Variants in IFNG-AS1 observed in about 807,000 individuals in gnomAD.
IFNG-AS1 encodes the protein IFNG regulatory antisense RNA 1, also known as IFNG antisense RNA 1 (non-protein coding).
At chr12:67,997,520 T>C (rs1053886270) in intron 2 of IFNG-AS1, among the ~76,000 whole-genome samples, 1 of 151,396 alleles carries the variant, frequency 6.6e-6, no homozygotes, top group Non-Finnish European at 1.5e-5. Flanking sequence ...ATAATATAAA[T>C]GTAAAAAAAA....
intron 1 of IFNG-AS1, among the ~76,000 whole-genome samples, chr12:67,994,146 G>T (rs1368905528): frequency 6.6e-6 from 1 of 152,196 alleles, no homozygotes; most frequent in African/African-American, 2.4e-5. Context: ...TTGTACACAG[G>T]TTGAATTGGG....
At chr12:68,012,414 T>A (rs1464335824) in intron 3 of IFNG-AS1, among the ~76,000 whole-genome samples, 2 of 152,186 alleles carry the variant, frequency 1.3e-5, no homozygotes, top group South Asian at 4.1e-4. Context: ...GTCATGCAGC[T>A]GTGTTAGCCT....
intron 3 of IFNG-AS1, among the ~76,000 whole-genome samples, chr12:68,010,390 T>C (rs1273475048): frequency 6.6e-6 from 1 of 152,112 alleles, no homozygotes; most frequent in African/African-American, 2.4e-5. Context: ...GTTTGCGGAG[T>C]ACATCCCTAG....
intron 2 of IFNG-AS1, among the ~76,000 whole-genome samples, chr12:67,998,950 C>T (rs1879705034): frequency 6.6e-6 from 1 of 151,984 alleles, no homozygotes; most frequent in Non-Finnish European, 1.5e-5. Context: ...TAGGATTGTG[C>T]AAATAAGTAA....
At chr12:67,999,964 G>A (rs1045725347) in intron 2 of IFNG-AS1, among the ~76,000 whole-genome samples, 4 of 152,118 alleles carry the variant, frequency 2.6e-5, no homozygotes, top group Non-Finnish European at 4.4e-5. Flanking sequence ...CCACAATATC[G>A]CTTCTGTGGT....
intron 2 of IFNG-AS1, among the ~76,000 whole-genome samples, chr12:67,997,693 A>G (rs981234682): frequency 6.6e-6 from 1 of 151,840 alleles, no homozygotes; most frequent in African/African-American, 2.4e-5. Context: ...CAAAAACACC[A>G]TAAACAAAGT....
chr12:67,995,644 C>G (rs1409596979), intron 1 of IFNG-AS1, among the ~76,000 whole-genome samples: 1 of 150,716 alleles, frequency 6.6e-6, no homozygotes, highest in Non-Finnish European at 1.5e-5. Flanking sequence ...ATCACTTGAA[C>G]CTGGGAGGCA....
intron 1 of IFNG-AS1, among the ~76,000 whole-genome samples, chr12:67,989,784 A>G (rs1879461377): frequency 6.6e-6 from 1 of 152,142 alleles, no homozygotes; most frequent in Non-Finnish European, 1.5e-5. Flanking sequence ...CATGGCTGGA[A>G]TGTCTCCACT....
intron 2 of IFNG-AS1, among the ~76,000 whole-genome samples, chr12:68,000,825 G>A (rs1168598889): frequency 6.6e-6 from 1 of 151,958 alleles, no homozygotes; most frequent in African/African-American, 2.4e-5. Context: ...TATGACCTGG[G>A]TAATGAAGTA....
chr12:68,002,840 C>T (rs1289256632), intron 2 of IFNG-AS1, among the ~76,000 whole-genome samples: 1 of 152,192 alleles, frequency 6.6e-6, no homozygotes, highest in East Asian at 1.9e-4. Flanking sequence ...AGGACTGATG[C>T]TGCATTTGTG....
At chr12:68,018,752 T>A (rs1313235904) in intron 3 of IFNG-AS1, among the ~76,000 whole-genome samples, 3 of 149,964 alleles carry the variant, frequency 2.0e-5, no homozygotes. Context: ...CCTTACTTTT[T>A]TTTTATTTTG....
chr12:67,991,874 T>C (rs943917235), intron 1 of IFNG-AS1, among the ~76,000 whole-genome samples: 11 of 152,246 alleles, frequency 7.2e-5, no homozygotes, highest in African/African-American at 1.9e-4. Context: ...AGCTCAAGGA[T>C]AGAGAAAATT....
intron 3 of IFNG-AS1, among the ~76,000 whole-genome samples, chr12:68,010,368 C>T (rs1475184187): frequency 6.6e-6 from 1 of 152,146 alleles, no homozygotes; most frequent in Non-Finnish European, 1.5e-5. Context: ...GTTTTCTGGT[C>T]TTCAGACGCC....
intron 2 of IFNG-AS1, among the ~76,000 whole-genome samples, chr12:67,997,072 C>A (rs1296192625): frequency 6.6e-6 from 1 of 151,912 alleles, no homozygotes; most frequent in African/African-American, 2.4e-5. Flanking sequence ...AACAGAAAAA[C>A]CCTCATTTAT....
chr12:68,008,438 G>A (rs75142256), intron 3 of IFNG-AS1, among the ~76,000 whole-genome samples: 1 of 151,354 alleles, frequency 6.6e-6, no homozygotes. Context: ...AATATGTAGA[G>A]ATACATAGTC....
At chr12:67,998,795 A>G (rs1879701133) in intron 2 of IFNG-AS1, among the ~76,000 whole-genome samples, 1 of 152,200 alleles carries the variant, frequency 6.6e-6, no homozygotes, top group Non-Finnish European at 1.5e-5. Context: ...TATTATATAC[A>G]TGTATTATTA....
intron 2 of IFNG-AS1, chr12:68,001,342 G>A (rs1410085199): frequency 5.6e-6 from 1 of 178,384 alleles, no homozygotes; most frequent in Admixed American, 5.3e-5. Flanking sequence ...ATGGTAAGAT[G>A]CCAGTGACCC....
intron 3 of IFNG-AS1, among the ~76,000 whole-genome samples, chr12:68,011,624 C>T (rs984521832): frequency 6.6e-6 from 1 of 152,208 alleles, no homozygotes; most frequent in Non-Finnish European, 1.5e-5. Context: ...TTACTTCCCA[C>T]TTAATGAGAA....
intron 2 of IFNG-AS1, among the ~76,000 whole-genome samples, chr12:68,004,290 T>A (rs954134667): frequency 4.6e-5 from 7 of 152,198 alleles, no homozygotes; most frequent in Non-Finnish European, 1.5e-5. Context: ...TTAAATGGGC[T>A]CCCCCATGAT....
Sources: gnomAD v4.1 joint callset for allele counts (sites outside exome capture counted in the v4.1 genomes callset) on GRCh38, gnomAD v4.1.1 for gene constraint, MANE v1.5 for transcripts, NCBI Gene and HGNC (gene_info 2026-07-23, HGNC 2026-07-21) for gene names.